Variants in STAT5B observed in about 807,000 individuals in gnomAD.
STAT5B encodes the protein transcription factor STAT5B.
STAT5B carries 21 observed loss-of-function variants against 107.8 expected under a neutral mutation model. The ratio of observed to expected loss-of-function variants is 0.19; its 90% CI spans 0.14 to 0.28. The LOEUF (loss-of-function observed/expected upper bound fraction) is 0.28, where lower values mean the gene tolerates loss of function less well. Among genes scored for constraint, STAT5B ranks in the 10% least tolerant of loss-of-function variants. The pLI is 1.00. For synonymous variants in STAT5B, 325 were observed against 401.7 expected, an observed-to-expected ratio of 0.81 and a Z score of 2.28; for missense variants, 565 against 1,008.2, an observed-to-expected ratio of 0.56 and a Z score of 5.95.
At chr17:42,201,956 C>T in intron 18 of STAT5B, 92 bp from the exon 19 acceptor site, 3 of 1,234,006 alleles carry the variant, frequency 2.4e-6, no homozygotes, top group East Asian at 2.4e-5. Context: ...CAGTCTGAGC[C>T]AGCCTATGCC....
intron 2 of STAT5B, among the ~76,000 whole-genome samples, chr17:42,228,251 T>C (rs2080290223): frequency 2.6e-5 from 4 of 152,234 alleles, no homozygotes; most frequent in Admixed American, 2.6e-4. Context: ...CAGACATTCA[T>C]GTCACTAGTT....
chr17:42,206,028 TTTGTC>T (rs1250659470), intron 16 of STAT5B, among the ~76,000 whole-genome samples: 1 of 152,178 alleles, frequency 6.6e-6, no homozygotes, highest in African/African-American at 2.4e-5. Flanking sequence ...CCTTGCTTTA[TTTGTC>T]TTCAGGGCGC....
In STAT5B at chr17:42,217,787, C is replaced by G. The variant is rs532287619; in HGVS notation, c.1170-323G>C. 6.4e-5 allele frequency: 28 copies of G among 439,590 alleles called. 1 individual carries two copies. Among genetic ancestry groups the G allele is most frequent in the African/African-American group, 5.6e-4 (28 of 49,774 alleles). 27.2% of individuals were successfully genotyped at this position (439,590 alleles called of 1,614,324 possible). ...CACTGCAATCTCAGCTCACTGCAAT[C>G]TCTGCCTCCCAGGTTCAAGGGATTC... On this transcript the variant is annotated intron_variant, in intron 9 of 18. Transcript: ENST00000293328.
At chr17:42,214,415 A>G (rs2080154794) in intron 12 of STAT5B, 11 of 985,382 alleles carry the variant, frequency 1.1e-5, no homozygotes, top group Non-Finnish European at 1.3e-5. Flanking sequence ...AGTATGGTAA[A>G]TCTCTTAAAA....
intron 1 of STAT5B, chr17:42,271,963 G>A (rs1208177321): frequency 2.6e-5 from 4 of 152,210 alleles, no homozygotes; most frequent in Admixed American, 2.6e-4. Context: ...ATTTAGAAGA[G>A]GTAAACTCCC....
chr17:42,270,811 A>G (rs754504027), intron 1 of STAT5B: 3 of 152,218 alleles, frequency 2.0e-5, no homozygotes, highest in Non-Finnish European at 4.4e-5. Context: ...ACCTTGGACA[A>G]ATTACTTAAC....
intron 1 of STAT5B, among the ~76,000 whole-genome samples, chr17:42,241,598 G>A (rs2080403496): frequency 6.6e-6 from 1 of 151,860 alleles, no homozygotes; most frequent in South Asian, 2.1e-4. Context: ...ATGTGCCACT[G>A]TGTCTGGCTA....
intron 5 of STAT5B, 147 bp downstream of exon 5, chr17:42,223,235 G>T: frequency 8.2e-7 from 1 of 1,215,284 alleles, no homozygotes; most frequent in Non-Finnish European, 1.2e-6. Flanking sequence ...TCTCAGCACT[G>T]TCTTCAATGC....
intron 1 of STAT5B, among the ~76,000 whole-genome samples, chr17:42,243,954 T>C (rs1164830469): frequency 6.6e-6 from 1 of 151,322 alleles, no homozygotes; most frequent in Non-Finnish European, 1.5e-5. Flanking sequence ...GCTACATCTG[T>C]ATCACTTTCC....
At chr17:42,239,810 G>A (rs1466906325) in intron 1 of STAT5B, among the ~76,000 whole-genome samples, 1 of 152,182 alleles carries the variant, frequency 6.6e-6, no homozygotes, top group Non-Finnish European at 1.5e-5. Flanking sequence ...CCTAAGAGAA[G>A]TGAAAACATG....
At chr17:42,231,571 G>C (rs1363852187) in intron 2 of STAT5B, among the ~76,000 whole-genome samples, 2 of 152,054 alleles carry the variant, frequency 1.3e-5, no homozygotes, top group Admixed American at 1.3e-4. Flanking sequence ...TGAACTCCTG[G>C]GCTCAAGCAG....
chr17:42,230,535 T>C (rs1340594357), intron 2 of STAT5B, among the ~76,000 whole-genome samples: 5 of 152,148 alleles, frequency 3.3e-5, no homozygotes, highest in African/African-American at 1.2e-4. Context: ...CTAAAAGAAA[T>C]TTAAAACAAC....
At chr17:42,268,565 C>CT (rs1487990661) in intron 1 of STAT5B, 1 of 152,122 alleles carries the variant, frequency 6.6e-6, no homozygotes, top group Admixed American at 6.5e-5. Context: ...TGTATCCTTA[C>CT]ATATTAAACC....
At chr17:42,253,832 C>T (rs2080519781) in intron 1 of STAT5B, among the ~76,000 whole-genome samples, 1 of 152,104 alleles carries the variant, frequency 6.6e-6, no homozygotes, top group African/African-American at 2.4e-5. Flanking sequence ...TGAGTCACCG[C>T]GCCTGGCCTG....
At chr17:42,226,613 G>C (rs1452081004) in intron 3 of STAT5B, among the ~76,000 whole-genome samples, 1 of 150,850 alleles carries the variant, frequency 6.6e-6, no homozygotes, top group Admixed American at 6.6e-5. Flanking sequence ...TTCGAAACCA[G>C]CCTGACCAAC....
Position 42,221,897 on chromosome 17 carries a change from C to CTG in STAT5B, c.550+1483_550+1484dup, listed in dbSNP as rs940479165. Reference sequence around the variant, plus strand: ...ATACATGGAATTAGAGGAGCATGTGCTGTGTGTGTGTGTGTGTGCTGTGTG... The same window carrying CTG: ...ATACATGGAATTAGAGGAGCATGTGCTGTGTGTGTGTGTGTGTGTGCTGTGTG... On this transcript the variant is annotated intron_variant, in intron 5 of 18. Coordinates refer to ENST00000293328, the MANE Select transcript of STAT5B (RefSeq NM_012448.4). 3.7e-3 allele frequency among the ~76,000 whole-genome samples: 552 copies of CTG among 149,500 alleles called. 1 individual carries two copies. Among genetic ancestry groups the CTG allele is most frequent in the East Asian group, 0.015 (75 of 5,102 alleles).
At chr17:42,265,377 C>CTTTTTTGTTTTTTTTTTTTTTTTTT (rs2080660010) in intron 1 of STAT5B, among the ~76,000 whole-genome samples, 1 of 110,596 alleles carries the variant, frequency 9.0e-6, no homozygotes, top group Non-Finnish European at 1.9e-5. Flanking sequence ...ATGTACTCTT[C>CTTTTTTGTTTTTTTTTTTTTTTTTT]TTTTTTTTTT....
intron 1 of STAT5B, among the ~76,000 whole-genome samples, chr17:42,259,718 G>A (rs1466725441): frequency 1.3e-5 from 2 of 151,966 alleles, no homozygotes; most frequent in African/African-American, 4.8e-5. Flanking sequence ...ACCTGTCGGG[G>A]GGAGGCTTCA....
chr17:42,223,536 G>C lies in STAT5B; in HGVS notation c.396C>G (p.Ser132Arg), dbSNP rs770921312. 6.2e-7 allele frequency: 1 copy of C among 1,614,036 alleles called. No homozygotes were observed. The highest frequency in any genetic ancestry group is 1.3e-5 in the African/African-American group (1 of 74,914). The change falls in exon 5 of 19, where the codon AGC becomes AGG. Residue 132 changes from serine to arginine, a missense_variant. This residue lies in a region of STAT5B where 54 missense variants were observed against 49.7 expected (regional missense o/e 1.09). Transcript: ENST00000293328. ...GTTTCTGGGACATGGCATCAGCAAG[G>C]CTTCCAGCTGGAGAGCTACCCTGGG... ...EANNGSSPAG[S>R]LADAMSQKHL...
Sources: allele counts gnomAD v4.1 joint callset (sites outside exome capture counted in the v4.1 genomes callset), GRCh38; gene constraint gnomAD v4.1.1; regional missense constraint gnomAD v4.1.1; transcripts MANE v1.5; gene names NCBI Gene and HGNC (gene_info 2026-07-23, HGNC 2026-07-21).